The following RRP15 variants were observed in gnomAD, a reference collection of about 807,000 sequenced individuals.
The protein encoded by RRP15 is RRP15-like protein.
A neutral mutation model predicts 27.1 loss-of-function variants in RRP15; 18 were observed. The ratio of observed to expected loss-of-function variants is 0.66; its 90% CI spans 0.46 to 0.98. RRP15 has a LOEUF of 0.98. Ranked by LOEUF, RRP15 falls within the 50% of genes least tolerant of loss-of-function variation. The pLI is 0.00. For missense variants in RRP15, 359 were observed against 337.8 expected, an observed-to-expected ratio of 1.06 and a Z score of -0.49; for synonymous variants, 107 against 109.4, an observed-to-expected ratio of 0.98 and a Z score of 0.14.
At chr1:218,290,722 G>A (rs1655625491) in intron 1 of RRP15, among the ~76,000 whole-genome samples, 1 of 152,168 alleles carries the variant, frequency 6.6e-6, no homozygotes, top group African/African-American at 2.4e-5. Context: ...GCCTGCCTTG[G>A]CCTCCCAAAG....
intron 3 of RRP15, among the ~76,000 whole-genome samples, chr1:218,306,935 C>T (rs1478144532): frequency 6.6e-6 from 1 of 152,144 alleles, no homozygotes; most frequent in Non-Finnish European, 1.5e-5. Flanking sequence ...TGCTCACTAG[C>T]CACATGTGGC....
intron 4 of RRP15, among the ~76,000 whole-genome samples, chr1:218,315,675 C>G (rs1247762536): frequency 6.6e-6 from 1 of 151,002 alleles, no homozygotes; most frequent in Non-Finnish European, 1.5e-5. Context: ...CTGGTCTCCT[C>G]GAACTCCTGG....
chr1:218,296,303 T>C (rs1655718716), intron 1 of RRP15, among the ~76,000 whole-genome samples: 1 of 152,200 alleles, frequency 6.6e-6, no homozygotes, highest in Non-Finnish European at 1.5e-5. Flanking sequence ...TTTTTAACTT[T>C]TCTAAGCTTC....
chr1:218,302,671 G>GT (rs1391914895), intron 2 of RRP15, 112 bp downstream of exon 2: 3 of 1,472,124 alleles, frequency 2.0e-6, no homozygotes, highest in African/African-American at 1.4e-5. Flanking sequence ...TTTTTAACTT[G>GT]TTTTTTATGT....
intron 4 of RRP15, among the ~76,000 whole-genome samples, chr1:218,311,001 G>A (rs1279063687): frequency 4.6e-5 from 7 of 151,502 alleles, no homozygotes; most frequent in Non-Finnish European, 7.4e-5. Flanking sequence ...CGCCTGCCTC[G>A]GCCTCCCAAA....
chr1:218,328,659 T>C (rs949212208), intron 4 of RRP15, among the ~76,000 whole-genome samples: 29 of 151,598 alleles, frequency 1.9e-4, no homozygotes, highest in African/African-American at 7.0e-4. Flanking sequence ...CGAGACTCCG[T>C]CTCAAAAAAA....
chr1:218,312,922 A>G (rs2102506062), intron 4 of RRP15, among the ~76,000 whole-genome samples: 1 of 152,282 alleles, frequency 6.6e-6, no homozygotes, highest in East Asian at 1.9e-4. Context: ...GGGGAGTTAG[A>G]AAAAGGGATT....
chr1:218,318,134 T>C (rs1656119206), intron 4 of RRP15, among the ~76,000 whole-genome samples: 2 of 152,196 alleles, frequency 1.3e-5, no homozygotes, highest in Non-Finnish European at 2.9e-5. Context: ...ACACTTACTG[T>C]GTTTGTGTTA....
Position 218,326,825 on chromosome 1 carries a change from T to G in RRP15, c.706-4123T>G, listed in dbSNP as rs565287903. Among the ~76,000 whole-genome samples the G allele has an allele frequency of 8.5e-5, 13 of 152,314 alleles. No individual in the cohort carries two copies. In the East Asian group the frequency reaches 2.5e-3, roughly 29 times the overall value. ...TCTTCAGAATTTAAACCTCCAGGTATTATGCCAGGTTATTGTGGAATGGGA... is the reference window on the plus strand; with the variant it reads ...TCTTCAGAATTTAAACCTCCAGGTAGTATGCCAGGTTATTGTGGAATGGGA... On this transcript the variant is annotated intron_variant, in intron 4 of 4. Transcript: ENST00000366932.
chr1:218,294,124 CCACT>C (rs1413207871), intron 1 of RRP15, among the ~76,000 whole-genome samples: 3 of 152,052 alleles, frequency 2.0e-5, no homozygotes, highest in Non-Finnish European at 4.4e-5. Flanking sequence ...GGAAAAAACA[CCACT>C]CAGTGTGCTT....
At chr1:218,329,980 A>T (rs1446641045) in intron 4 of RRP15, among the ~76,000 whole-genome samples, 1 of 152,126 alleles carries the variant, frequency 6.6e-6, no homozygotes, top group Non-Finnish European at 1.5e-5. Flanking sequence ...TGACAGCATA[A>T]TGATAACACT....
At chr1:218,318,741 A>G (rs1473099959) in intron 4 of RRP15, among the ~76,000 whole-genome samples, 2 of 150,528 alleles carry the variant, frequency 1.3e-5, no homozygotes, top group South Asian at 2.1e-4. Flanking sequence ...GATAATAAAT[A>G]CTTTTTTTTT....
At chr1:218,290,165 A>G (rs764005948) in intron 1 of RRP15, among the ~76,000 whole-genome samples, 1 of 152,194 alleles carries the variant, frequency 6.6e-6, no homozygotes, top group Non-Finnish European at 1.5e-5. Flanking sequence ...TTTAAAAAAA[A>G]TCAATGAAAA....
At chr1:218,313,539 T>C (rs1656035376) in intron 4 of RRP15, among the ~76,000 whole-genome samples, 1 of 152,150 alleles carries the variant, frequency 6.6e-6, no homozygotes, top group Non-Finnish European at 1.5e-5. Context: ...CAGTGACTGC[T>C]CCAGGTTATA....
Position 218,333,453 on chromosome 1 carries a change from A to G in RRP15, c.*2362A>G, listed in dbSNP as rs904148288. 1.3e-5 allele frequency: 2 copies of G among 152,204 alleles called. No individual in the cohort carries two copies. Among genetic ancestry groups the G allele is most frequent in the African/African-American group, 4.8e-5 (2 of 41,462 alleles). The allele number at this position is 152,204 out of a possible 1,614,324, so 9.4% of individuals were successfully genotyped here. On this transcript the variant is annotated 3_prime_UTR_variant, in exon 5 of 5. Transcript: ENST00000366932. ...TTTAAATTATTCTGATATCAATCAG[A>G]TAAATAATCCGAGTGTATTTCATCT...
rs113018296 is a variant in RRP15, at chr1:218,322,995, C to T, written c.706-7953C>T. Among the ~76,000 whole-genome samples the T allele has an allele frequency of 8.5e-3, 1,289 of 152,302 alleles. 20 individuals carry two copies. The highest frequency in any genetic ancestry group is 0.03 in the African/African-American group (1,228 of 41,566). On this transcript the variant is annotated intron_variant, in intron 4 of 4. Coordinates refer to ENST00000366932, the MANE Select transcript of RRP15 (RefSeq NM_016052.4). The stretch of plus-strand genomic sequence containing the variant: ...CAATGGCATGGGCGCCGGCTACTTG[C>T]GAGGCTGCAGCTGGACCAGGTGTAC...
Position 218,307,606 on chromosome 1 carries a change from A to G in RRP15, c.679A>G (p.Ser227Gly), listed in dbSNP as rs1558206515. Residue 227 changes from serine (S) to glycine (G), a missense_variant, in exon 4 of 5, where the codon AGC (serine) becomes GGC (glycine). Ser to Gly is a moderately conservative substitution (Grantham distance 56, BLOSUM62 0). Coordinates refer to ENST00000366932, the MANE Select transcript of RRP15 (RefSeq NM_016052.4). ...MDGSTNETASSRKKPKAKQTE... is the reference protein window; with the variant it reads ...MDGSTNETASGRKKPKAKQTE... ...TGGAAGTACAAATGAGACTGCTTCA[A>G]GCAGGAAGAAACCAAAAGCCAAACA... 1.2e-6 allele frequency: 2 copies of G among 1,613,880 alleles called. No individual in the cohort carries two copies. Among genetic ancestry groups the G allele is most frequent in the Admixed American group, 1.7e-5 (1 of 60,018 alleles).
chr1:218,308,855 A>G (rs1490562045), intron 4 of RRP15, among the ~76,000 whole-genome samples: 1 of 152,248 alleles, frequency 6.6e-6, no homozygotes, highest in Non-Finnish European at 1.5e-5. Flanking sequence ...AATAGGCTGT[A>G]TTCTCGCTAG....
chr1:218,312,714 A>T (rs761681214), intron 4 of RRP15, among the ~76,000 whole-genome samples: 20 of 152,202 alleles, frequency 1.3e-4, no homozygotes, highest in Non-Finnish European at 2.6e-4. Flanking sequence ...TGATGTGGGG[A>T]TAGTCATAGG....
Sources: allele counts gnomAD v4.1 joint callset (sites outside exome capture counted in the v4.1 genomes callset), GRCh38; gene constraint gnomAD v4.1.1; transcripts MANE v1.5; gene names NCBI Gene and HGNC (gene_info 2026-07-23, HGNC 2026-07-21).